FAM185A: variants seen among roughly 807,000 people sequenced by gnomAD.
FAM185A encodes the protein protein FAM185A.
FAM185A carries 21 observed loss-of-function variants against 45.7 expected under a neutral mutation model. That is an observed-to-expected ratio of 0.46 (90% CI 0.33 to 0.66). The LOEUF (loss-of-function observed/expected upper bound fraction) is 0.66, where lower values mean the gene tolerates loss of function less well. Ranked by LOEUF, FAM185A falls within the 30% of genes least tolerant of loss-of-function variation. The pLI is 0.03. For missense variants in FAM185A, 305 were observed against 485.4 expected, an observed-to-expected ratio of 0.63 and a Z score of 3.49; for synonymous variants, 117 against 194.0, an observed-to-expected ratio of 0.60 and a Z score of 3.30.
downstream of FAM185A, among the ~76,000 whole-genome samples, chr7:102,812,044 A>G (rs1476385806): frequency 6.6e-6 from 1 of 152,214 alleles, no homozygotes; most frequent in East Asian, 1.9e-4. Context: ...AACTTGTGGG[A>G]TACAAAAAGA....
the FAM185A span, among the ~76,000 whole-genome samples, chr7:102,815,106 G>A: frequency 3.3e-5 from 5 of 152,032 alleles, no homozygotes; most frequent in South Asian, 1.0e-3. Flanking sequence ...AAACAGCAAG[G>A]CTCCATCATT....
chr7:102,758,426 GCT>G (rs1491261504), intron 3 of FAM185A, among the ~76,000 whole-genome samples: 21,102 of 95,408 alleles, frequency 0.22, 4,395 homozygotes, highest in Non-Finnish European at 0.27. Flanking sequence ...TGCTCTCACA[GCT>G]TTTTTTTTTT....
chr7:102,773,082 T>C (rs909193122), intron 5 of FAM185A, among the ~76,000 whole-genome samples: 4 of 148,164 alleles, frequency 2.7e-5, no homozygotes, highest in African/African-American at 5.0e-5. Flanking sequence ...AGTTAGGCAA[T>C]TGGGGGTGGT....
chr7:102,840,728 T>TG, the FAM185A span, among the ~76,000 whole-genome samples: 112 of 152,152 alleles, frequency 7.4e-4, no homozygotes, highest in African/African-American at 2.6e-3. Flanking sequence ...ACCAGTCTAG[T>TG]GGAAAAAAAG....
At chr7:102,793,714 T>A (rs947135482) in intron 7 of FAM185A, among the ~76,000 whole-genome samples, 1 of 151,912 alleles carries the variant, frequency 6.6e-6, no homozygotes, top group Non-Finnish European at 1.5e-5. Flanking sequence ...CTGTTGCATA[T>A]ATTTTTTTGT....
chr7:102,836,482 G>A, the FAM185A span, among the ~76,000 whole-genome samples: 1 of 152,152 alleles, frequency 6.6e-6, no homozygotes, highest in Non-Finnish European at 1.5e-5. Flanking sequence ...CTCCAATGCT[G>A]CAGAATCATA....
Position 102,808,351 on chromosome 7 carries a change from T to G in FAM185A, c.1128T>G (p.Thr376=). Residue 376 remains threonine, a synonymous_variant, in exon 8 of 8, where the codon ACT becomes ACG. Coordinates refer to ENST00000413034, the MANE Select transcript of FAM185A (RefSeq NM_001145268.2). ...KWIKADAPKG[T]VSFRRQSWFQ... is the part of the protein sequence containing the mutation. ...TTAAGGCTGATGCCCCAAAAGGCACTGTAAGTTTTAGAAGGCAAAGTTGGT... is the reference window on the plus strand; with the variant it reads ...TTAAGGCTGATGCCCCAAAAGGCACGGTAAGTTTTAGAAGGCAAAGTTGGT... 1 of 1,551,780 alleles carries G rather than the reference T, an allele frequency of 6.4e-7. No individual in the cohort carries two copies. Among genetic ancestry groups the G allele is most frequent in the Non-Finnish European group, 8.7e-7 (1 of 1,146,980 alleles).
In FAM185A at chr7:102,749,197, A is replaced by G; in HGVS notation, c.-11A>G. ...CTGAAGTGTTCTGAGGACTGGCGAG[A>G]GAGGCGCGCCATGCTTGCCCCCTGC... On this transcript the variant is annotated 5_prime_UTR_variant, in exon 1 of 8. Coordinates refer to ENST00000413034, the MANE Select transcript of FAM185A (RefSeq NM_001145268.2). 1 of 1,551,230 alleles carries G rather than the reference A, an allele frequency of 6.4e-7. No individual in the cohort carries two copies. Among genetic ancestry groups the G allele is most frequent in the South Asian group, 1.2e-5 (1 of 84,066 alleles).
At chr7:102,775,309 T>C (rs1399486194) in intron 5 of FAM185A, among the ~76,000 whole-genome samples, 2 of 152,214 alleles carry the variant, frequency 1.3e-5, no homozygotes, top group Non-Finnish European at 2.9e-5. Context: ...AATTTCTCCA[T>C]TATGTAAACT....
At chr7:102,806,330 G>A (rs1338448795) in intron 7 of FAM185A, among the ~76,000 whole-genome samples, 2 of 151,988 alleles carry the variant, frequency 1.3e-5, no homozygotes, top group African/African-American at 2.4e-5. Context: ...GATTACAGGC[G>A]CCTGGCACCA....
chr7:102,849,597 T>C, the FAM185A span, among the ~76,000 whole-genome samples: 43 of 152,342 alleles, frequency 2.8e-4, no homozygotes, highest in Admixed American at 2.8e-3. Context: ...AATCTAAACA[T>C]CTCAATTTAC....
downstream of FAM185A, chr7:102,813,122 GAGCCACCGCTCC>G: frequency 4.1e-6 from 2 of 488,590 alleles, no homozygotes; most frequent in Non-Finnish European, 7.1e-6. Context: ...TTACAGGTGT[GAGCCACCGCTCC>G]TGGCCTGGCT....
chr7:102,793,144 T>C (rs1182048327), intron 7 of FAM185A, among the ~76,000 whole-genome samples: 1 of 152,232 alleles, frequency 6.6e-6, no homozygotes, highest in Non-Finnish European at 1.5e-5. Flanking sequence ...TGCTTAAAAA[T>C]ACTTTGACAG....
the FAM185A span, among the ~76,000 whole-genome samples, chr7:102,837,946 T>C: frequency 6.6e-6 from 1 of 152,262 alleles, no homozygotes; most frequent in Non-Finnish European, 1.5e-5. Context: ...AATTTATCTT[T>C]GCCAACATCT....
At chr7:102,836,252 C>A in the FAM185A span, among the ~76,000 whole-genome samples, 2 of 152,152 alleles carry the variant, frequency 1.3e-5, no homozygotes, top group African/African-American at 4.8e-5. Flanking sequence ...CATTCTCATC[C>A]ATGGAAAATC....
chr7:102,845,107 A>G, the FAM185A span, among the ~76,000 whole-genome samples: 1 of 152,086 alleles, frequency 6.6e-6, no homozygotes, highest in African/African-American at 2.4e-5. Flanking sequence ...GCTTCGTCAT[A>G]TAGACACCAT....
intron 7 of FAM185A, among the ~76,000 whole-genome samples, chr7:102,788,815 ACAG>A: frequency 6.6e-6 from 1 of 152,218 alleles, no homozygotes; most frequent in Non-Finnish European, 1.5e-5. Flanking sequence ...TACACCCTGT[ACAG>A]CAGGCTACTG....
At chr7:102,825,250 G>T in the FAM185A span, among the ~76,000 whole-genome samples, 1 of 152,134 alleles carries the variant, frequency 6.6e-6, no homozygotes, top group Non-Finnish European at 1.5e-5. Flanking sequence ...GTATTGAGAG[G>T]TGGGGCCCTT....
At position 102,749,444 on chromosome 7, in the gene FAM185A, G is replaced by A; in HGVS notation, c.237G>A (p.Ala79=). 6.5e-7 allele frequency: 1 copy of A among 1,547,850 alleles called. No individual in the cohort carries two copies. Among genetic ancestry groups the A allele is most frequent in the Non-Finnish European group, 8.7e-7 (1 of 1,146,166 alleles). Reference sequence around the variant, plus strand: ...TGAGCCCGTTTGGTCGGCTGCGGGCGCGGCTCCCGTGCCACCTGGCCGTGA... The same window carrying A: ...TGAGCCCGTTTGGTCGGCTGCGGGCACGGCTCCCGTGCCACCTGGCCGTGA... ...LQVSPFGRLR[A]RLPCHLAVRP... The change falls in exon 1 of 8, where the codon GCG becomes GCA. Residue 79 remains alanine, a synonymous_variant. Transcript: ENST00000413034.
Sources: allele counts gnomAD v4.1 joint callset (sites outside exome capture counted in the v4.1 genomes callset), GRCh38; gene constraint gnomAD v4.1.1; transcripts MANE v1.5; gene names NCBI Gene and HGNC (gene_info 2026-07-23, HGNC 2026-07-21).